The following PTER variants were observed in gnomAD, a reference collection of about 807,000 sequenced individuals.
PTER encodes the protein phosphotriesterase related.
Under a neutral mutation model 29.6 loss-of-function variants are expected in PTER, and 38 were observed. The observed-to-expected ratio is 1.28, with a 90% CI of 0.99 to 1.68. The LOEUF is 1.68. Ranked by LOEUF, PTER falls within the 40% of genes most tolerant of loss-of-function variation. The probability of loss-of-function intolerance (pLI) is 0.00; values close to 1 mark genes in which losing one functional copy is unlikely to be tolerated. For synonymous variants in PTER, 172 were observed against 154.5 expected (o/e 1.11, Z -0.84); for missense variants, 482 against 427.8 (o/e 1.13, Z -1.12).
At chr10:16,467,177 A>G (rs1029151729) in intron 1 of PTER, among the ~76,000 whole-genome samples, 2 of 152,232 alleles carry the variant, frequency 1.3e-5, no homozygotes, top group Non-Finnish European at 1.5e-5. Context: ...GTATTTTAAG[A>G]CAGAAAGAGA....
At position 16,505,129 on chromosome 10, in the gene PTER, G is replaced by C; in HGVS notation, c.808G>C (p.Asp270His). 2 of 1,613,942 alleles carry C rather than the reference G, an allele frequency of 1.2e-6. No homozygotes were observed. The highest frequency in any genetic ancestry group is 1.7e-6 in the Non-Finnish European group (2 of 1,179,930). The stretch of plus-strand genomic sequence containing the variant: ...TCATTACCAACTCGGCCCAGATATT[G>C]ACATGCCTGATGATAACAAAAGAAT... ...LLHYQLGPDIDMPDDNKRIRR... is the reference protein window; with the variant it reads ...LLHYQLGPDIHMPDDNKRIRR... Residue 270 changes from aspartate (D) to histidine (H), a missense_variant, in exon 4 of 5, where the codon GAC (aspartate) becomes CAC (histidine). Transcript: ENST00000535784.
At chr10:16,473,638 G>A (rs1262973530) in intron 1 of PTER, among the ~76,000 whole-genome samples, 1 of 149,186 alleles carries the variant, frequency 6.7e-6, no homozygotes, top group Non-Finnish European at 1.5e-5. Flanking sequence ...GTCTCTGGCC[G>A]AATGCTGTAA....
At chr10:16,489,054 T>C (rs1259718925) in intron 3 of PTER, among the ~76,000 whole-genome samples, 6 of 152,216 alleles carry the variant, frequency 3.9e-5, no homozygotes, top group Admixed American at 2.0e-4. Flanking sequence ...AAACTCCAAT[T>C]TGATATATGT....
At chr10:16,444,004 C>CTTTTTTTT (rs199711479) in intron 1 of PTER, among the ~76,000 whole-genome samples, 1 of 136,862 alleles carries the variant, frequency 7.3e-6, no homozygotes, top group Non-Finnish European at 1.6e-5. Flanking sequence ...AAAACTTTTT[C>CTTTTTTTT]TTTTTTTTTT....
chr10:16,505,236 CAA>C (rs1836517873), intron 4 of PTER, 76 bp downstream of exon 4: 3 of 1,538,172 alleles, frequency 2.0e-6, no homozygotes, highest in Non-Finnish European at 2.6e-6. Context: ...GAAGTATTAG[CAA>C]AGATTCAGAA....
chr10:16,490,033 T>C (rs1264701388), intron 3 of PTER, among the ~76,000 whole-genome samples: 1 of 152,188 alleles, frequency 6.6e-6, no homozygotes, highest in African/African-American at 2.4e-5. Context: ...AAACCCATTG[T>C]AAGTCAAAAA....
intron 1 of PTER, among the ~76,000 whole-genome samples, chr10:16,483,516 C>T (rs1253285494): frequency 6.6e-6 from 1 of 152,058 alleles, no homozygotes. Context: ...GGACCTTCAA[C>T]AGAAATTTGT....
At chr10:16,458,726 G>T (rs1286688502) in intron 1 of PTER, among the ~76,000 whole-genome samples, 1 of 152,168 alleles carries the variant, frequency 6.6e-6, no homozygotes, top group Non-Finnish European at 1.5e-5. Context: ...TACTGGGTGT[G>T]AAAGCTGTCA....
intron 1 of PTER, among the ~76,000 whole-genome samples, chr10:16,474,755 C>T (rs956878255): frequency 6.6e-6 from 1 of 151,980 alleles, no homozygotes; most frequent in African/African-American, 2.4e-5. Flanking sequence ...GGCATGGTGG[C>T]GTGCACCTGT....
chr10:16,477,992 G>A (rs189383261), intron 1 of PTER, among the ~76,000 whole-genome samples: 5 of 152,152 alleles, frequency 3.3e-5, no homozygotes, highest in Non-Finnish European at 5.9e-5. Context: ...AGACTTCAAC[G>A]TGGAGAGTTC....
Position 16,505,091 on chromosome 10 carries a change from G to T in PTER, c.770G>T (p.Gly257Val), listed in dbSNP as rs1836509271. The change falls in exon 4 of 5, where the codon GGT becomes GTT. Residue 257 changes from glycine (G) to valine (V), a missense_variant. By Grantham distance (109) the Gly-to-Val change is moderately radical. Coordinates refer to ENST00000535784, the MANE Select transcript of PTER (RefSeq NM_001261836.2). The part of the protein sequence containing the change: ...LGCYLEYDLF[G>V]TELLHYQLGP... ...TGCTACTTGGAATATGATCTCTTTG[G>T]TACTGAACTACTTCATTACCAACTC... 2 of 1,613,936 alleles carry T rather than the reference G, an allele frequency of 1.2e-6. No individual in the cohort carries two copies. Among genetic ancestry groups the T allele is most frequent in the East Asian group, 2.2e-5 (1 of 44,858 alleles).
chr10:16,442,576 C>A (rs1833885152), intron 1 of PTER, among the ~76,000 whole-genome samples: 1 of 152,138 alleles, frequency 6.6e-6, no homozygotes, highest in Admixed American at 6.5e-5. Context: ...TCAAGACCAG[C>A]CTGGGCAACA....
At position 16,480,277 on chromosome 10, in the gene PTER, C is replaced by T. The variant is rs567211158; in HGVS notation, c.-48-4060C>T. Among the ~76,000 whole-genome samples, 4 of 151,276 alleles carry T rather than the reference C, an allele frequency of 2.6e-5. No homozygotes were observed. In the East Asian group the frequency reaches 7.9e-4, roughly 30 times the overall value. On this transcript the variant is annotated intron_variant, in intron 1 of 4. Coordinates refer to ENST00000535784, the MANE Select transcript of PTER (RefSeq NM_001261836.2). ...CAATCTTGACTCACTGCACCCTCCA[C>T]CTCCCAGGTTCAAGCAATTCTCCTG... is the stretch of plus-strand genomic sequence containing the variant.
chr10:16,477,844 C>G (rs1425163861), intron 1 of PTER, among the ~76,000 whole-genome samples: 1 of 152,138 alleles, frequency 6.6e-6, no homozygotes, highest in Non-Finnish European at 1.5e-5. Context: ...AAAAGTAATA[C>G]AAATTTTAAG....
chr10:16,506,579 A>G (rs1421170718), intron 4 of PTER, among the ~76,000 whole-genome samples: 4 of 152,330 alleles, frequency 2.6e-5, no homozygotes, highest in East Asian at 3.9e-4. Flanking sequence ...CTAAGGCAAC[A>G]AATAGATGGA....
chr10:16,451,804 T>C (rs1477667529), intron 1 of PTER, among the ~76,000 whole-genome samples: 1 of 152,010 alleles, frequency 6.6e-6, no homozygotes, highest in Non-Finnish European at 1.5e-5. Flanking sequence ...GGGAGGGTTA[T>C]TACCCCCCAG....
chr10:16,480,997 A>AT (rs1835461383), intron 1 of PTER, among the ~76,000 whole-genome samples: 1 of 152,002 alleles, frequency 6.6e-6, no homozygotes. Context: ...TATCCCTTTT[A>AT]TTTTTTGTCT....
At chr10:16,468,356 C>G (rs551521756) in intron 1 of PTER, among the ~76,000 whole-genome samples, 18 of 139,904 alleles carry the variant, frequency 1.3e-4, no homozygotes, top group African/African-American at 4.2e-4. Flanking sequence ...CAAAAAACTT[C>G]CAGGAAAATG....
chr10:16,480,115 T>G (rs980167804), intron 1 of PTER, among the ~76,000 whole-genome samples: 21 of 149,150 alleles, frequency 1.4e-4, no homozygotes, highest in Admixed American at 5.3e-4. Flanking sequence ...AATTAGACCT[T>G]TCATGGTTGG....
Sources: gnomAD v4.1 joint callset for allele counts (sites outside exome capture counted in the v4.1 genomes callset) on GRCh38, gnomAD v4.1.1 for gene constraint, MANE v1.5 for transcripts, NCBI Gene and HGNC (gene_info 2026-07-23, HGNC 2026-07-21) for gene names.